YTHDC2: variants seen among roughly 807,000 people sequenced by gnomAD.
YTHDC2 encodes the protein YTH N6-methyladenosine RNA binding protein C2, also known as 3'-5' RNA helicase YTHDC2.
In YTHDC2, 45 loss-of-function variants were observed where a neutral mutation model predicts 174.9. The ratio of observed to expected loss-of-function variants is 0.26; its 90% CI spans 0.20 to 0.33. The LOEUF (loss-of-function observed/expected upper bound fraction) is 0.33, where lower values mean the gene tolerates loss of function less well. YTHDC2 is among the 10% of genes least tolerant of loss of function. The probability of loss-of-function intolerance (pLI) is 1.00; values close to 1 mark genes in which losing one functional copy is unlikely to be tolerated. For synonymous variants in YTHDC2, 657 were observed against 574.5 expected (o/e 1.14, Z -2.05); for missense variants, 1,650 against 1,723.7 (o/e 0.96, Z 0.76).
At position 113,567,906 on chromosome 5, in the gene YTHDC2, A is replaced by G. The variant is rs9885504; in HGVS notation, c.3244+57A>G. The G allele has an allele frequency of 6.8e-3, 8,873 of 1,306,460 alleles. 509 individuals are homozygous for G. In the African/African-American group the frequency reaches 0.12, roughly 18 times the overall value. The allele number at this position is 1,306,460 out of a possible 1,614,324, so 80.9% of individuals were successfully genotyped here. A position where few individuals can be genotyped will look rare whatever the true frequency, so the allele number is the denominator to read the frequency against. ...GAAATGAATTTTTTTTTTTTACCAA[A>G]TAATGAAATTATTTTACTAAACCAA... On this transcript the variant is annotated intron_variant, in intron 23 of 29. Coordinates refer to ENST00000161863, the MANE Select transcript of YTHDC2 (RefSeq NM_022828.5).
chr5:113,547,992 G>T (rs1776003662), intron 10 of YTHDC2, among the ~76,000 whole-genome samples: 1 of 152,088 alleles, frequency 6.6e-6, no homozygotes, highest in African/African-American at 2.4e-5. Context: ...TAATGTAAGG[G>T]TTTTATGGGA....
At chr5:113,581,908 T>C (rs1778426441) in intron 25 of YTHDC2, 199 bp downstream of exon 25, 3 of 400,276 alleles carry the variant, frequency 7.5e-6, no homozygotes, top group Non-Finnish European at 1.3e-5. Flanking sequence ...ATATGAATTT[T>C]AAACTATTGA....
intron 6 of YTHDC2, 26 bp downstream of exon 6, chr5:113,534,433 A>C (rs1340701202): frequency 8.2e-6 from 13 of 1,588,884 alleles, no homozygotes; most frequent in Non-Finnish European, 1.0e-5. Context: ...AATTTGTCAT[A>C]TGTAACTCAG....
chr5:113,575,558 G>A (rs1490276537), intron 23 of YTHDC2, among the ~76,000 whole-genome samples: 1 of 152,154 alleles, frequency 6.6e-6, no homozygotes. Flanking sequence ...AGAGAAAGAG[G>A]GAAAGCACCA....
At chr5:113,534,654 A>G (rs1323149333) in intron 6 of YTHDC2, among the ~76,000 whole-genome samples, 1 of 152,192 alleles carries the variant, frequency 6.6e-6, no homozygotes, top group Non-Finnish European at 1.5e-5. Context: ...GGAAAATAAA[A>G]TAAGCAGGTA....
At chr5:113,566,214 A>T (rs558058937) in intron 21 of YTHDC2, among the ~76,000 whole-genome samples, 195 bp downstream of exon 21, 2 of 152,290 alleles carry the variant, frequency 1.3e-5, no homozygotes, top group Admixed American at 1.3e-4. Context: ...ATGCTATTGC[A>T]GGAGGTGTAT....
At chr5:113,581,243 T>G (rs1354104414) in intron 24 of YTHDC2, 174 bp from the exon 25 acceptor site, 1 of 551,386 alleles carries the variant, frequency 1.8e-6, no homozygotes, top group East Asian at 3.4e-5. Flanking sequence ...GCCTAAAATA[T>G]TATAAATAAA....
intron 24 of YTHDC2, among the ~76,000 whole-genome samples, chr5:113,580,940 T>C (rs367784632): frequency 6.6e-6 from 1 of 152,198 alleles, no homozygotes; most frequent in Non-Finnish European, 1.5e-5. Context: ...CTTACTCTTA[T>C]CTTCTTACTC....
intron 4 of YTHDC2, among the ~76,000 whole-genome samples, chr5:113,531,692 T>A (rs1373898345): frequency 6.6e-6 from 1 of 151,648 alleles, no homozygotes; most frequent in Non-Finnish European, 1.5e-5. Context: ...GATGAACTAG[T>A]CAAGTTTAAA....
chr5:113,568,382 G>A lies in YTHDC2; in HGVS notation c.3244+533G>A, dbSNP rs113708764. 9.9e-4 allele frequency among the ~76,000 whole-genome samples: 151 copies of A among 152,146 alleles called. 4 individuals carry two copies. The highest frequency in any genetic ancestry group is 3.4e-3 in the African/African-American group (142 of 41,506). ...TTTTTTCCTTCAACTTTTATTTTAA[G>A]TTCAGGGGTACATGTGCAAGATGTG... On this transcript the variant is annotated intron_variant, in intron 23 of 29. Coordinates refer to ENST00000161863, the MANE Select transcript of YTHDC2 (RefSeq NM_022828.5).
chr5:113,521,409 T>C (rs958977541), intron 2 of YTHDC2, among the ~76,000 whole-genome samples: 4 of 152,174 alleles, frequency 2.6e-5, no homozygotes, highest in Non-Finnish European at 4.4e-5. Context: ...ATAGATCTCA[T>C]CTTCAATTTA....
chr5:113,546,898 A>C (rs1223171517), intron 10 of YTHDC2, among the ~76,000 whole-genome samples: 1 of 152,200 alleles, frequency 6.6e-6, no homozygotes, highest in African/African-American at 2.4e-5. Flanking sequence ...GTTCTTGTCA[A>C]CTGTCCTTCT....
At chr5:113,520,144 T>C (rs1244864616) in intron 2 of YTHDC2, among the ~76,000 whole-genome samples, 1 of 152,154 alleles carries the variant, frequency 6.6e-6, no homozygotes, top group African/African-American at 2.4e-5. Context: ...AGTGAGAACA[T>C]GTAGTGTTTG....
At chr5:113,557,692 G>A (rs1324112721) in intron 17 of YTHDC2, among the ~76,000 whole-genome samples, 5 of 152,168 alleles carry the variant, frequency 3.3e-5, no homozygotes, top group Non-Finnish European at 5.9e-5. Flanking sequence ...TACTTGGGAG[G>A]CTAAGGTGGG....
intron 6 of YTHDC2, 127 bp downstream of exon 6, chr5:113,534,534 G>A: frequency 1.5e-6 from 1 of 656,306 alleles, no homozygotes; most frequent in Non-Finnish European, 2.6e-6. Flanking sequence ...GTAGAAAAGA[G>A]AACCAACTTA....
At chr5:113,587,939 A>G (rs923075635) in intron 26 of YTHDC2, among the ~76,000 whole-genome samples, 2 of 152,000 alleles carry the variant, frequency 1.3e-5, no homozygotes, top group African/African-American at 4.8e-5. Flanking sequence ...TTCTCTCAAC[A>G]ATGTTTTATA....
chr5:113,531,154 T>G (rs371344052), intron 4 of YTHDC2, among the ~76,000 whole-genome samples: 1 of 152,170 alleles, frequency 6.6e-6, no homozygotes, highest in South Asian at 2.1e-4. Context: ...ATGATACACT[T>G]ATCTTCTCTT....
chr5:113,567,867 A>G lies in YTHDC2; in HGVS notation c.3244+18A>G. Reference sequence around the variant, plus strand: ...CTTTAGAGGTAAATGTATTAAGGAAATAAAAATCTATTTGAAATGAATTTT... The same window carrying G: ...CTTTAGAGGTAAATGTATTAAGGAAGTAAAAATCTATTTGAAATGAATTTT... On this transcript the variant is annotated intron_variant, in intron 23 of 29. Coordinates refer to ENST00000161863, the MANE Select transcript of YTHDC2 (RefSeq NM_022828.5). 6.8e-7 allele frequency: 1 copy of G among 1,461,478 alleles called. No individual in the cohort carries two copies. The highest frequency in any genetic ancestry group is 9.1e-7 in the Non-Finnish European group (1 of 1,101,368). 90.5% of individuals were successfully genotyped at this position (1,461,478 alleles called of 1,614,324 possible).
intron 23 of YTHDC2, among the ~76,000 whole-genome samples, chr5:113,577,038 C>T (rs191598866): frequency 4.7e-4 from 71 of 152,128 alleles, no homozygotes; most frequent in African/African-American, 1.4e-3. Context: ...TAAGTTTTTC[C>T]AAGTGCTTTC....
Sources: gnomAD v4.1 joint callset for allele counts (sites outside exome capture counted in the v4.1 genomes callset) on GRCh38, gnomAD v4.1.1 for gene constraint, MANE v1.5 for transcripts, NCBI Gene and HGNC (gene_info 2026-07-23, HGNC 2026-07-21) for gene names.